The following DMRTA2 variants were observed in gnomAD, a reference collection of about 807,000 sequenced individuals.
DMRTA2 encodes doublesex- and mab-3-related transcription factor A2.
DMRTA2 carries 10 observed loss-of-function variants against 29.7 expected under a neutral mutation model. The observed-to-expected ratio is 0.34, with a 90% confidence interval of 0.21 to 0.57. DMRTA2 has a LOEUF of 0.57. Ranked by LOEUF, DMRTA2 falls within the 20% of genes least tolerant of loss-of-function variation. The pLI is 0.87. For synonymous variants in DMRTA2, 469 were observed against 402.6 expected (o/e 1.16, Z -1.97); for missense variants, 783 against 812.1 (o/e 0.96, Z 0.44).
At position 50,422,514 on chromosome 1, in the gene DMRTA2, G is replaced by A. The variant is rs1244345456; in HGVS notation, c.-9+602C>T. Among the ~76,000 whole-genome samples, 1 of 152,182 alleles carries A rather than the reference G, an allele frequency of 6.6e-6. No individual in the cohort carries two copies. The highest frequency in any genetic ancestry group is 2.4e-5 in the African/African-American group (1 of 41,452). On this transcript the variant is annotated intron_variant, in intron 1 of 2. Transcript: ENST00000404795. The surrounding 1 kb of genome is among the most constrained non-coding windows in gnomAD (Gnocchi z 5.7). Reference sequence around the variant, plus strand: ...ACCCCACAGGCAAATGCTGGGGGAGGGGATTGGGTAAAACCTGTGGTGCAG... The same window carrying A: ...ACCCCACAGGCAAATGCTGGGGGAGAGGATTGGGTAAAACCTGTGGTGCAG...
In DMRTA2 at chr1:50,423,386, C is replaced by G. The variant is rs918598729; in HGVS notation, c.-279G>C. 1 of 152,198 alleles carries G rather than the reference C, an allele frequency of 6.6e-6. No individual in the cohort carries two copies. The highest frequency in any genetic ancestry group is 2.4e-5 in the African/African-American group (1 of 41,456). 9.4% of individuals were successfully genotyped at this position (152,198 alleles called of 1,614,324 possible). ...CGCCGTGCCGGGTCCCCTCGCGGTG[C>G]GCGCCGGACGCTGCGCGCAGCCGGG... On this transcript the variant is annotated 5_prime_UTR_variant, in exon 1 of 3. Transcript: ENST00000404795.
chr1:50,418,036 AAC>A lies in DMRTA2; in HGVS notation c.*627_*628del, dbSNP rs1645998590. On this transcript the variant is annotated 3_prime_UTR_variant, in exon 3 of 3. Coordinates refer to ENST00000404795, the MANE Select transcript of DMRTA2 (RefSeq NM_032110.3). ...ATATATAGATTTATACATATATAAA[AAC>A]ACACTGCACCAAGGAAACCCATGCT... 1 of 151,958 alleles carries A rather than the reference AAC, an allele frequency of 6.6e-6. No individual in the cohort carries two copies. The highest frequency in any genetic ancestry group is 1.5e-5 in the Non-Finnish European group (1 of 68,000). The allele number at this position is 151,958 out of a possible 1,614,324, so 9.4% of individuals were successfully genotyped here. A position where few individuals can be genotyped will look rare whatever the true frequency, so the allele number is the denominator to read the frequency against.
Position 50,419,446 on chromosome 1 carries a change from G to T in DMRTA2, c.848C>A (p.Pro283His). Residue 283 changes from proline to histidine, a missense_variant, in exon 3 of 3, where the codon CCT becomes CAT. Pro to His is a moderately conservative substitution (Grantham distance 77). Transcript: ENST00000404795. This position sits in a 1 kb window ranked among gnomAD's most constrained non-coding sequence, Gnocchi z 6.1. ...GEEDSPGSASPLGSESGSEAD... is the reference protein window; with the variant it reads ...GEEDSPGSASHLGSESGSEAD... ...CTCTGAACCGGATTCAGAGCCCAGA[G>T]GGCTAGCGGAGCCCGGGCTGTCCTC... 3.1e-6 allele frequency: 5 copies of T among 1,598,520 alleles called. No homozygotes were observed. Among genetic ancestry groups the T allele is most frequent in the Non-Finnish European group, 4.2e-6 (5 of 1,178,580 alleles).
chr1:50,420,942 C>A lies in DMRTA2; in HGVS notation c.559+36G>T. 1 of 1,421,454 alleles carries A rather than the reference C, an allele frequency of 7.0e-7. No individual in the cohort carries two copies. Among genetic ancestry groups the A allele is most frequent in the South Asian group, 1.5e-5 (1 of 66,920 alleles). 88.1% of individuals were successfully genotyped at this position (1,421,454 alleles called of 1,614,324 possible). A position where few individuals can be genotyped will look rare whatever the true frequency, so the allele number is the denominator to read the frequency against. ...GGCCCCGTGCCCCAGAGCTACGATC[C>A]TGCTGCCCCTACCTGCGGCCTGGCC... On this transcript the variant is annotated intron_variant, in intron 2 of 2. Transcript: ENST00000404795. This position sits in a 1 kb window ranked among gnomAD's most constrained non-coding sequence, Gnocchi z 4.1.
In DMRTA2 at chr1:50,419,728, T is replaced by G. The variant is rs1414738722; in HGVS notation, c.566A>C (p.Lys189Thr). ...AGGAAACAGGTCAAACTTCTGCAAC[T>G]TGGCCTCTGGGAGGGGAGAAAACGT... Reference protein sequence around the residue: ...GAAGAGGSEAKLQKFDLFPKT... With the variant: ...GAAGAGGSEATLQKFDLFPKT... The change falls in exon 3 of 3, where the codon AAG (lysine) becomes ACG (threonine). Residue 189 changes from lysine to threonine, a missense_variant. By Grantham distance (78) the Lys-to-Thr change is moderately conservative. Coordinates refer to ENST00000404795, the MANE Select transcript of DMRTA2 (RefSeq NM_032110.3). The surrounding 1 kb of genome is among the most constrained non-coding windows in gnomAD (Gnocchi z 6.1). The G allele has an allele frequency of 2.7e-6, 4 of 1,470,790 alleles. No homozygotes were observed. In the African/African-American group the frequency reaches 5.9e-5, roughly 22 times the overall value. 91.1% of individuals were successfully genotyped at this position (1,470,790 alleles called of 1,614,324 possible). A position where few individuals can be genotyped will look rare whatever the true frequency, so the allele number is the denominator to read the frequency against.
rs956447616 is a variant in DMRTA2 at position 50,419,364 on chromosome 1, A to T, written c.930T>A (p.Gly310=). 1 of 1,596,724 alleles carries T rather than the reference A, an allele frequency of 6.3e-7. No homozygotes were observed. Among genetic ancestry groups the T allele is most frequent in the Non-Finnish European group, 8.5e-7 (1 of 1,179,022 alleles). Reference sequence around the variant, plus strand: ...TATCCAGCGGCGTCCGCTGCCGTGGACCCGAGCCTCCGCCCAGCCCTGGCG... The same window carrying T: ...TATCCAGCGGCGTCCGCTGCCGTGGTCCCGAGCCTCCGCCCAGCCCTGGCG... ...APAPGLGGGS[G]PRQRTPLDIL... is the part of the protein sequence containing the mutation. Residue 310 remains glycine, a synonymous_variant, in exon 3 of 3, where the codon GGT becomes GGA. Transcript: ENST00000404795. This position sits in a 1 kb window ranked among gnomAD's most constrained non-coding sequence, Gnocchi z 6.1.
rs1325043596 is a variant in DMRTA2 at position 50,421,072 on chromosome 1, C to T, written c.465G>A (p.Glu155=). 6.6e-7 allele frequency: 1 copy of T among 1,521,886 alleles called. No individual in the cohort carries two copies. Among genetic ancestry groups the T allele is most frequent in the Admixed American group, 2.0e-5 (1 of 49,934 alleles). The allele number at this position is 1,521,886 out of a possible 1,614,324, so 94.3% of individuals were successfully genotyped here. ...CGGCGGCGCACACTGAACCGAAGAC[C>T]TCGTAGGCGGGCCTCGGGGGGATGA... is the stretch of plus-strand genomic sequence containing the variant. ...NGIIPPRPAY[E]VFGSVCAADG... The change falls in exon 2 of 3, where the codon GAG becomes GAA. Residue 155 remains glutamate (E), a synonymous_variant. Transcript: ENST00000404795. This position sits in a 1 kb window ranked among gnomAD's most constrained non-coding sequence, Gnocchi z 8.7.
Position 50,419,647 on chromosome 1 carries a change from G to A in DMRTA2, c.647C>T (p.Pro216Leu), listed in dbSNP as rs1417330769. ...PGSPLPPPVK[P>L]LSPDGADSGP... is the part of the protein sequence containing the mutation. ...CGAGTCTGCGCCGTCGGGTGATAAG[G>A]GCTTCACCGGCGGCGGCAGCGGGCT... is the stretch of plus-strand genomic sequence containing the variant. The change falls in exon 3 of 3, where the codon CCC becomes CTC. Residue 216 changes from proline (P) to leucine (L), a missense_variant. Transcript: ENST00000404795. The surrounding 1 kb of genome is among the most constrained non-coding windows in gnomAD (Gnocchi z 6.1). 4 of 1,506,978 alleles carry A rather than the reference G, an allele frequency of 2.7e-6. No homozygotes were observed. The South Asian group carries it at 5.3e-5, about 20-fold the overall frequency. The allele number at this position is 1,506,978 out of a possible 1,614,324, so 93.4% of individuals were successfully genotyped here.
In DMRTA2 at chr1:50,419,057, G is replaced by A; in HGVS notation, c.1237C>T (p.Pro413Ser). The A allele has an allele frequency of 7.7e-7, 1 of 1,305,084 alleles. No individual in the cohort carries two copies. Among genetic ancestry groups the A allele is most frequent in the Non-Finnish European group, 9.7e-7 (1 of 1,030,364 alleles). 80.8% of individuals were successfully genotyped at this position (1,305,084 alleles called of 1,614,324 possible). A position where few individuals can be genotyped will look rare whatever the true frequency, so the allele number is the denominator to read the frequency against. ...PAPLQAGPAA[P>S]PHHRPLLAGA... ...GCCAGCAAGGGTCTGTGGTGCGGAG[G>A]TGCGGCGGGCCCCGCCTGCAGCGGC... Residue 413 changes from proline (P) to serine (S), a missense_variant, in exon 3 of 3, where the codon CCT becomes TCT. Around this residue, in one of 3 missense-constraint regions of DMRTA2, gnomAD observed 667 missense variants for 624.8 expected, o/e 1.07. Transcript: ENST00000404795. The surrounding 1 kb of genome is among the most constrained non-coding windows in gnomAD (Gnocchi z 6.1).
chr1:50,420,959 G>C lies in DMRTA2; in HGVS notation c.559+19C>G, dbSNP rs1174176645. The C allele has an allele frequency of 7.0e-7, 1 of 1,436,750 alleles. No homozygotes were observed. Among genetic ancestry groups the C allele is most frequent in the Non-Finnish European group, 9.0e-7 (1 of 1,105,356 alleles). The allele number at this position is 1,436,750 out of a possible 1,614,324, so 89.0% of individuals were successfully genotyped here. A position where few individuals can be genotyped will look rare whatever the true frequency, so the allele number is the denominator to read the frequency against. On this transcript the variant is annotated intron_variant, in intron 2 of 2. Coordinates refer to ENST00000404795, the MANE Select transcript of DMRTA2 (RefSeq NM_032110.3). This position sits in a 1 kb window ranked among gnomAD's most constrained non-coding sequence, Gnocchi z 4.1. Reference sequence around the variant, plus strand: ...CTACGATCCTGCTGCCCCTACCTGCGGCCTGGCCGCGCTCTCACCTGAGCC... The same window carrying C: ...CTACGATCCTGCTGCCCCTACCTGCCGCCTGGCCGCGCTCTCACCTGAGCC...
chr1:50,422,272 C>T lies in DMRTA2; in HGVS notation c.-8-728G>A, dbSNP rs1009969381. 2.6e-5 allele frequency among the ~76,000 whole-genome samples: 4 copies of T among 152,130 alleles called. No individual in the cohort carries two copies. Among genetic ancestry groups the T allele is most frequent in the African/African-American group, 9.7e-5 (4 of 41,416 alleles). On this transcript the variant is annotated intron_variant, in intron 1 of 2. Transcript: ENST00000404795. The surrounding 1 kb of genome is among the most constrained non-coding windows in gnomAD (Gnocchi z 5.7). ...AAAAATGTGAGCGCCAAAAGTTCCA[C>T]GGTGAGGGCCTCCAGAGAGTGAGAG... is the stretch of plus-strand genomic sequence containing the variant.
chr1:50,421,588 G>T lies in DMRTA2; in HGVS notation c.-8-44C>A. On this transcript the variant is annotated intron_variant, in intron 1 of 2. Coordinates refer to ENST00000404795, the MANE Select transcript of DMRTA2 (RefSeq NM_032110.3). This position sits in a 1 kb window ranked among gnomAD's most constrained non-coding sequence, Gnocchi z 8.7. ...GGAGAGGGGAGAGACCTGGTGAGGA[G>T]CACACCGCGCGCTAGGCCAAAGCGC... The T allele has an allele frequency of 8.1e-7, 1 of 1,227,620 alleles. No homozygotes were observed. Among genetic ancestry groups the T allele is most frequent in the Admixed American group, 4.3e-5 (1 of 23,242 alleles). 76.0% of individuals were successfully genotyped at this position (1,227,620 alleles called of 1,614,324 possible).
At position 50,419,125 on chromosome 1, in the gene DMRTA2, GCGGCGT is replaced by G. The variant is rs1557939618; in HGVS notation, c.1163_1168del (p.Asp388_Ala389del). On this transcript the variant is annotated inframe_deletion, in exon 3 of 3. Coordinates refer to ENST00000404795, the MANE Select transcript of DMRTA2 (RefSeq NM_032110.3). This position sits in a 1 kb window ranked among gnomAD's most constrained non-coding sequence, Gnocchi z 6.1. ...CCCGGCGGCGGCGGCGGCGGCGGCG[GCGGCGT>G]CGACGCGGCTGGGCCACGCGTCGTC... 12 of 1,098,208 alleles carry G rather than the reference GCGGCGT, an allele frequency of 1.1e-5. No individual in the cohort carries two copies. The East Asian group carries it at 1.1e-4, about 11-fold the overall frequency. 68.0% of individuals were successfully genotyped at this position (1,098,208 alleles called of 1,614,324 possible).
Position 50,418,942 on chromosome 1 carries a change from T to G in DMRTA2, c.1352A>C (p.Asp451Ala). 1 of 1,443,670 alleles carries G rather than the reference T, an allele frequency of 6.9e-7. No individual in the cohort carries two copies. Among genetic ancestry groups the G allele is most frequent in the East Asian group, 3.0e-5 (1 of 33,444 alleles). 89.4% of individuals were successfully genotyped at this position (1,443,670 alleles called of 1,614,324 possible). A position where few individuals can be genotyped will look rare whatever the true frequency, so the allele number is the denominator to read the frequency against. Residue 451 changes from aspartate to alanine, a missense_variant, in exon 3 of 3, where the codon GAC becomes GCC. Physicochemically the swap from Asp to Ala is moderately radical, Grantham distance 126 (BLOSUM62 -2). Coordinates refer to ENST00000404795, the MANE Select transcript of DMRTA2 (RefSeq NM_032110.3). ...CGCGCCCAGCGGGTAGGCGCCCGCG[T>G]CGGCACCGAAGTGACTGGCGTTGGG... Reference protein sequence around the residue: ...LQPNASHFGADAGAYPLGAPL... With the variant: ...LQPNASHFGAAAGAYPLGAPL...
rs776184256 is a variant in DMRTA2 at position 50,420,793 on chromosome 1, A to C, written c.559+185T>G. 9.2e-5 allele frequency among the ~76,000 whole-genome samples: 14 copies of C among 152,200 alleles called. No individual in the cohort carries two copies. The highest frequency in any genetic ancestry group is 4.4e-5 in the Non-Finnish European group (3 of 68,026). The stretch of plus-strand genomic sequence containing the variant: ...AGGGGTAAAGTGCAAATGCTCCAGA[A>C]GCGGGAGAAAGGAGAGTTTCTGTAC... On this transcript the variant is annotated intron_variant, in intron 2 of 2. Transcript: ENST00000404795. The surrounding 1 kb of genome is among the most constrained non-coding windows in gnomAD (Gnocchi z 4.1).
rs1410295936 is a variant in DMRTA2 at position 50,421,361 on chromosome 1, C to G, written c.176G>C (p.Arg59Pro). The change falls in exon 2 of 3, where the codon CGG becomes CCG. Residue 59 changes from arginine to proline, a missense_variant. Transcript: ENST00000404795. This position sits in a 1 kb window ranked among gnomAD's most constrained non-coding sequence, Gnocchi z 8.7. The stretch of plus-strand genomic sequence containing the variant: ...GGTCCGCGGGTACTTCTCGGCTGCC[C>G]GCAGCAACAGTGGCGGCCCCCGCAG... ...GLLRGPPLLL[R>P]AAEKYPRTPK... is the part of the protein sequence containing the mutation. 3 of 1,513,898 alleles carry G rather than the reference C, an allele frequency of 2.0e-6. No individual in the cohort carries two copies. The highest frequency in any genetic ancestry group is 2.7e-6 in the Non-Finnish European group (3 of 1,131,392). 93.8% of individuals were successfully genotyped at this position (1,513,898 alleles called of 1,614,324 possible).
rs1646040650 is a variant in DMRTA2, at chr1:50,421,755, T to C, written c.-8-211A>G. Reference sequence around the variant, plus strand: ...ACCCCAGTCTGGCCATGGCTGCTCTTAGACCTGATATACACGCTAGGGGTA... The same window carrying C: ...ACCCCAGTCTGGCCATGGCTGCTCTCAGACCTGATATACACGCTAGGGGTA... On this transcript the variant is annotated intron_variant, in intron 1 of 2. Transcript: ENST00000404795. The surrounding 1 kb of genome is among the most constrained non-coding windows in gnomAD (Gnocchi z 8.7). 1.2e-5 allele frequency: 5 copies of C among 401,336 alleles called. No individual in the cohort carries two copies. The highest frequency in any genetic ancestry group is 1.7e-5 in the Non-Finnish European group (4 of 240,822). 24.9% of individuals were successfully genotyped at this position (401,336 alleles called of 1,614,324 possible). A position where few individuals can be genotyped will look rare whatever the true frequency, so the allele number is the denominator to read the frequency against.
chr1:50,420,883 G>C lies in DMRTA2; in HGVS notation c.559+95C>G. On this transcript the variant is annotated intron_variant, in intron 2 of 2. Coordinates refer to ENST00000404795, the MANE Select transcript of DMRTA2 (RefSeq NM_032110.3). The surrounding 1 kb of genome is among the most constrained non-coding windows in gnomAD (Gnocchi z 4.1). ...AGCAGTCGCGGCGACTGGACACGGG[G>C]GTTCTACTCTTTCTGAACCGAGACA... The C allele has an allele frequency of 1.5e-6, 2 of 1,374,408 alleles. No individual in the cohort carries two copies. Among genetic ancestry groups the C allele is most frequent in the Non-Finnish European group, 1.9e-6 (2 of 1,070,954 alleles). 85.1% of individuals were successfully genotyped at this position (1,374,408 alleles called of 1,614,324 possible). A position where few individuals can be genotyped will look rare whatever the true frequency, so the allele number is the denominator to read the frequency against.
Position 50,419,490 on chromosome 1 carries a change from G to A in DMRTA2, c.804C>T (p.Gly268=). 1.3e-6 allele frequency: 2 copies of A among 1,593,778 alleles called. No individual in the cohort carries two copies. Among genetic ancestry groups the A allele is most frequent in the Non-Finnish European group, 1.7e-6 (2 of 1,174,318 alleles). The change falls in exon 3 of 3, where the codon GGC becomes GGT. Residue 268 remains glycine, a synonymous_variant. Coordinates refer to ENST00000404795, the MANE Select transcript of DMRTA2 (RefSeq NM_032110.3). This position sits in a 1 kb window ranked among gnomAD's most constrained non-coding sequence, Gnocchi z 6.1. ...EAGGSCPGSA[G]PGGGGEEDSP... ...TGTCCTCCTCGCCGCCGCCGCCAGG[G>A]CCAGCGCTGCCTGGGCAGCTGCCAC...
Sources: gnomAD v4.1 joint callset for allele counts (sites outside exome capture counted in the v4.1 genomes callset) on GRCh38, gnomAD v4.1.1 for gene constraint, gnomAD v4.1.1 regional missense constraint, Gnocchi (gnomAD v3.1) non-coding constraint, MANE v1.5 for transcripts, NCBI Gene and HGNC (gene_info 2026-07-23, HGNC 2026-07-21) for gene names.